FHIT: variants seen among roughly 807,000 people sequenced by gnomAD.
The protein encoded by FHIT is fragile histidine triad diadenosine triphosphatase.
FHIT carries 19 observed loss-of-function variants against 17.9 expected under a neutral mutation model. The observed-to-expected ratio is 1.06, with a 90% CI of 0.74 to 1.56. FHIT has a LOEUF of 1.56. Among genes scored for constraint, FHIT ranks in the 40% most tolerant of loss-of-function variants. The pLI is 0.00. For missense variants in FHIT, 248 were observed against 189.2 expected, an observed-to-expected ratio of 1.31 and a Z score of -1.82; for synonymous variants, 81 against 69.7, an observed-to-expected ratio of 1.16 and a Z score of -0.81.
At position 60,387,515 on chromosome 3, in the gene FHIT, T is replaced by C. The variant is rs1701058787; in HGVS notation, c.103+149345A>G. On this transcript the variant is annotated intron_variant, in intron 5 of 9. Coordinates refer to ENST00000492590, the MANE Select transcript of FHIT (RefSeq NM_002012.4). ...GGTGGGATTACTCGAATTCTAAGAA[T>C]GGCTGGATTTAACACAAGTCAAAAG... is the stretch of plus-strand genomic sequence containing the variant. Among the ~76,000 whole-genome samples the C allele has an allele frequency of 2.0e-5, 3 of 152,176 alleles. No homozygotes were observed. In the South Asian group the frequency reaches 6.2e-4, roughly 32 times the overall value.
Position 59,923,737 on chromosome 3 carries a change from C to T in FHIT, c.280-1323G>A, listed in dbSNP as rs1705524025. ...CTGATCACCCACCCCTTCCTGATTA[C>T]TGCGATCGGGTTCCGAGGCTCCAAA... On this transcript the variant is annotated intron_variant, in intron 7 of 9. Transcript: ENST00000492590. 2.0e-5 allele frequency among the ~76,000 whole-genome samples: 3 copies of T among 152,150 alleles called. No individual in the cohort carries two copies. The South Asian group carries it at 6.2e-4, about 32-fold the overall frequency.
At chr3:60,508,986 A>T (rs1444875887) in intron 5 of FHIT, among the ~76,000 whole-genome samples, 1 of 152,148 alleles carries the variant, frequency 6.6e-6, no homozygotes, top group Non-Finnish European at 1.5e-5. Flanking sequence ...CCCTCTCTAG[A>T]CCCACATAGT....
At position 61,134,837 on chromosome 3, in the gene FHIT, T is replaced by C. The variant is rs146570679; in HGVS notation, c.-164+65780A>G. 3.7e-3 allele frequency among the ~76,000 whole-genome samples: 570 copies of C among 152,242 alleles called. 2 individuals are homozygous for C. The highest frequency in any genetic ancestry group is 0.013 in the African/African-American group (546 of 41,542). The stretch of plus-strand genomic sequence containing the variant: ...AGTACACAGCTTGCCTCCAGAACTG[T>C]TCACCTGAATCGCAAAGGCCGGAGC... On this transcript the variant is annotated intron_variant, in intron 2 of 9. Transcript: ENST00000492590.
At chr3:60,378,934 C>T (rs550582416) in intron 5 of FHIT, among the ~76,000 whole-genome samples, 2 of 152,314 alleles carry the variant, frequency 1.3e-5, no homozygotes, top group South Asian at 4.1e-4. Context: ...GAGAATATAG[C>T]CCGTTGCAAG....
intron 8 of FHIT, among the ~76,000 whole-genome samples, chr3:59,759,367 A>G (rs1264758432): frequency 6.6e-6 from 1 of 152,182 alleles, no homozygotes; most frequent in African/African-American, 2.4e-5. Context: ...AGTGATGGCA[A>G]CAATCAGAAG....
Position 59,894,702 on chromosome 3 carries a change from C to A in FHIT, c.348+27644G>T, listed in dbSNP as rs1449035091. On this transcript the variant is annotated intron_variant, in intron 8 of 9. Coordinates refer to ENST00000492590, the MANE Select transcript of FHIT (RefSeq NM_002012.4). The stretch of plus-strand genomic sequence containing the variant: ...AAGATCAAAAAGTCTTTCAATGATT[C>A]ATATTTTCAGGGCATTGCAAAGTGA... 7.2e-5 allele frequency among the ~76,000 whole-genome samples: 11 copies of A among 152,254 alleles called. No homozygotes were observed. The East Asian group carries it at 2.1e-3, about 29-fold the overall frequency.
intron 5 of FHIT, among the ~76,000 whole-genome samples, chr3:60,269,065 G>T (rs143281022): frequency 1.3e-5 from 2 of 152,188 alleles, no homozygotes; most frequent in African/African-American, 4.8e-5. Flanking sequence ...TTTTAGCCCA[G>T]TGAGAGCCAT....
Position 59,921,446 on chromosome 3 carries a change from T to C in FHIT, c.348+900A>G, listed in dbSNP as rs185157286. Among the ~76,000 whole-genome samples, 71 of 152,252 alleles carry C rather than the reference T, an allele frequency of 4.7e-4. 1 individual carries two copies. The East Asian group carries it at 5.8e-3, about 12-fold the overall frequency. On this transcript the variant is annotated intron_variant, in intron 8 of 9. Coordinates refer to ENST00000492590, the MANE Select transcript of FHIT (RefSeq NM_002012.4). Reference sequence around the variant, plus strand: ...CATTCTCAAAGAGTTAGAACAGGAATGTCAAAAAGACGGCAAATATGATAC... The same window carrying C: ...CATTCTCAAAGAGTTAGAACAGGAACGTCAAAAAGACGGCAAATATGATAC...
At chr3:60,529,493 A>G (rs2035692423) in intron 5 of FHIT, among the ~76,000 whole-genome samples, 1 of 152,234 alleles carries the variant, frequency 6.6e-6, no homozygotes, top group African/African-American at 2.4e-5. Context: ...TATATTCTGC[A>G]TTATTTGAGT....
intron 5 of FHIT, among the ~76,000 whole-genome samples, chr3:60,052,525 C>G (rs1367524584): frequency 2.0e-5 from 3 of 152,002 alleles, no homozygotes; most frequent in Non-Finnish European, 4.4e-5. Flanking sequence ...CATCTGAAAA[C>G]AGTAGGAGGG....
intron 5 of FHIT, among the ~76,000 whole-genome samples, chr3:60,251,504 C>G (rs1018306215): frequency 1.3e-5 from 2 of 152,168 alleles, no homozygotes; most frequent in African/African-American, 4.8e-5. Context: ...AGTGAAAAAA[C>G]TAAAATTTGA....
intron 5 of FHIT, among the ~76,000 whole-genome samples, chr3:60,394,967 A>G (rs546128827): frequency 6.6e-6 from 1 of 152,356 alleles, no homozygotes; most frequent in South Asian, 2.1e-4. Context: ...AGAGCTATAC[A>G]GAAGTATTTA....
chr3:60,898,292 A>T (rs1705934574), intron 3 of FHIT, among the ~76,000 whole-genome samples: 1 of 152,236 alleles, frequency 6.6e-6, no homozygotes, highest in Non-Finnish European at 1.5e-5. Context: ...ATTTAAAAAA[A>T]ATATCGTAAA....
chr3:60,460,120 C>A (rs1339143418), intron 5 of FHIT, among the ~76,000 whole-genome samples: 1 of 151,494 alleles, frequency 6.6e-6, no homozygotes, highest in Non-Finnish European at 1.5e-5. Flanking sequence ...ATCAAAAAAT[C>A]TGAAATTAAG....
At chr3:61,210,362 G>C (rs1174844956) in intron 1 of FHIT, among the ~76,000 whole-genome samples, 3 of 152,216 alleles carry the variant, frequency 2.0e-5, no homozygotes, top group Non-Finnish European at 4.4e-5. Flanking sequence ...AGTCTGCAGA[G>C]GTTACTGCTG....
intron 5 of FHIT, among the ~76,000 whole-genome samples, chr3:60,252,915 G>A (rs769021556): frequency 7.9e-5 from 12 of 151,932 alleles, no homozygotes; most frequent in Admixed American, 1.3e-4. Flanking sequence ...GGAGAATGCC[G>A]TGAACCCAGG....
intron 4 of FHIT, among the ~76,000 whole-genome samples, chr3:60,562,333 G>A (rs1309278674): frequency 1.3e-5 from 2 of 152,136 alleles, no homozygotes; most frequent in Non-Finnish European, 2.9e-5. Flanking sequence ...AGATAGTTAG[G>A]AGAGCTGGAA....
intron 4 of FHIT, among the ~76,000 whole-genome samples, chr3:60,759,381 T>G (rs1346995241): frequency 6.6e-6 from 1 of 152,062 alleles, no homozygotes; most frequent in Non-Finnish European, 1.5e-5. Context: ...GGAACATGAG[T>G]AGGCATGGGA....
At chr3:60,852,635 A>G (rs1703197365) in intron 3 of FHIT, among the ~76,000 whole-genome samples, 1 of 152,072 alleles carries the variant, frequency 6.6e-6, no homozygotes, top group Admixed American at 6.6e-5. Context: ...AAAACTTTGT[A>G]TATTATATTA....
Sources: allele counts gnomAD v4.1 joint callset (sites outside exome capture counted in the v4.1 genomes callset), GRCh38; gene constraint gnomAD v4.1.1; transcripts MANE v1.5; gene names NCBI Gene and HGNC (gene_info 2026-07-23, HGNC 2026-07-21).